The following SBSPON variants were observed in gnomAD, a reference collection of about 807,000 sequenced individuals.
SBSPON encodes somatomedin-B and thrombospondin type-1 domain-containing protein.
Under a neutral mutation model 35.8 loss-of-function variants are expected in SBSPON, and 30 were observed. The ratio of observed to expected loss-of-function variants is 0.84; its 90% confidence interval spans 0.63 to 1.14. The LOEUF is 1.14. Ranked by LOEUF, SBSPON falls within the 50% of genes most tolerant of loss-of-function variation. The pLI, the probability that SBSPON is intolerant of heterozygous loss-of-function variation, is 0.00. For missense variants in SBSPON, 364 were observed against 357.7 expected, an observed-to-expected ratio of 1.02 and a Z score of -0.14; for synonymous variants, 136 against 135.9, an observed-to-expected ratio of 1.00 and a Z score of 0.00.
At chr8:73,070,309 A>G (rs1336210643) in intron 3 of SBSPON, among the ~76,000 whole-genome samples, 1 of 152,214 alleles carries the variant, frequency 6.6e-6, no homozygotes, top group Non-Finnish European at 1.5e-5. Flanking sequence ...AGGTTTTTGT[A>G]GAAACCCAGT....
rs530593066 is a variant in SBSPON, at chr8:73,072,125, G to A, written c.410-255C>T. 7.2e-5 allele frequency among the ~76,000 whole-genome samples: 11 copies of A among 152,170 alleles called. No homozygotes were observed. In the South Asian group the frequency reaches 2.3e-3, roughly 32 times the overall value. On this transcript the variant is annotated intron_variant, in intron 2 of 4. Coordinates refer to ENST00000297354, the MANE Select transcript of SBSPON (RefSeq NM_153225.4). ...TAATAAAACTGTGTGAGAGGAAGGA[G>A]AGGGGCCAGGAGGAAAAACCAGAAG...
intron 2 of SBSPON, among the ~76,000 whole-genome samples, chr8:73,080,250 C>T (rs1399378870): frequency 6.6e-6 from 1 of 152,166 alleles, no homozygotes; most frequent in African/African-American, 2.4e-5. Context: ...CGCAGTGGCT[C>T]ATGCCTGTAA....
At chr8:73,087,523 G>A (rs376803080) in intron 1 of SBSPON, among the ~76,000 whole-genome samples, 2 of 151,910 alleles carry the variant, frequency 1.3e-5, no homozygotes, top group African/African-American at 2.4e-5. Flanking sequence ...GGCCCCGCTC[G>A]TTTTTTTTCT....
intron 1 of SBSPON, among the ~76,000 whole-genome samples, chr8:73,089,612 T>A (rs1425108545): frequency 6.6e-6 from 1 of 152,022 alleles, no homozygotes; most frequent in Non-Finnish European, 1.5e-5. Flanking sequence ...GTATTAAGTA[T>A]CTGGCACATG....
intron 1 of SBSPON, chr8:73,083,984 C>T (rs977881193): frequency 7.9e-5 from 12 of 152,218 alleles, no homozygotes; most frequent in African/African-American, 2.7e-4. Flanking sequence ...GATTTAAATG[C>T]AAGTAATTTA....
At chr8:73,070,739 A>T (rs1810479360) in intron 3 of SBSPON, among the ~76,000 whole-genome samples, 1 of 152,228 alleles carries the variant, frequency 6.6e-6, no homozygotes, top group Admixed American at 6.5e-5. Context: ...GCAGTTTTCC[A>T]ATTCTTCAGG....
rs150854838 is a variant in SBSPON at position 73,075,433 on chromosome 8, G to A, written c.410-3563C>T. 1.4e-3 allele frequency among the ~76,000 whole-genome samples: 218 copies of A among 152,150 alleles called. 1 individual carries two copies. The highest frequency in any genetic ancestry group is 3.4e-3 in the Middle Eastern group (1 of 292). Reference sequence around the variant, plus strand: ...AACTTAGAAATTATTTTTGCCTCCCGCCACACTTCTGCTAATGTGCGGAAG... The same window carrying A: ...AACTTAGAAATTATTTTTGCCTCCCACCACACTTCTGCTAATGTGCGGAAG... On this transcript the variant is annotated intron_variant, in intron 2 of 4. Coordinates refer to ENST00000297354, the MANE Select transcript of SBSPON (RefSeq NM_153225.4).
intron 1 of SBSPON, among the ~76,000 whole-genome samples, chr8:73,092,473 C>G (rs548834115): frequency 5.9e-5 from 9 of 152,320 alleles, no homozygotes; most frequent in African/African-American, 2.2e-4. Context: ...GGTGGTGGAG[C>G]CTGGCCCAGG....
intron 1 of SBSPON, among the ~76,000 whole-genome samples, chr8:73,091,919 A>C (rs746575754): frequency 2.6e-5 from 4 of 152,252 alleles, no homozygotes; most frequent in Non-Finnish European, 5.9e-5. Flanking sequence ...TGAGGCTCCC[A>C]CATGTCGGGA....
At chr8:73,083,115 T>G (rs1810748270) in intron 1 of SBSPON, among the ~76,000 whole-genome samples, 1 of 152,246 alleles carries the variant, frequency 6.6e-6, no homozygotes, top group Non-Finnish European at 1.5e-5. Context: ...GTCTCTTGTC[T>G]AGTATTTGTT....
chr8:73,071,973 TCA>T, intron 2 of SBSPON, 103 bp from the exon 3 acceptor site: 1 of 717,482 alleles, frequency 1.4e-6, no homozygotes, highest in Admixed American at 2.1e-5. Context: ...ATTCCTAAAC[TCA>T]CAGGGCTACG....
At position 73,081,076 on chromosome 8, in the gene SBSPON, T is replaced by C. The variant is rs1268860693; in HGVS notation, c.352A>G (p.Arg118Gly). 2.5e-6 allele frequency: 4 copies of C among 1,612,464 alleles called. No individual in the cohort carries two copies. In the African/African-American group the frequency reaches 5.3e-5, roughly 22 times the overall value. ...GGAPCPPLEE[R>G]AGCLEYSTPQ... Reference sequence around the variant, plus strand: ...GTGGAGTACTCCAGGCAGCCAGCTCTCTCTTCCAGGGGTGGGCAGGGCGCC... The same window carrying C: ...GTGGAGTACTCCAGGCAGCCAGCTCCCTCTTCCAGGGGTGGGCAGGGCGCC... The change falls in exon 2 of 5, where the codon AGA becomes GGA. Residue 118 changes from arginine (R) to glycine (G), a missense_variant. Arg to Gly is a moderately radical substitution (Grantham distance 125, BLOSUM62 -2). Transcript: ENST00000297354.
Position 73,069,824 on chromosome 8 carries a change from C to T in SBSPON, c.658G>A (p.Asp220Asn), listed in dbSNP as rs1455376184. The T allele has an allele frequency of 1.2e-6, 2 of 1,614,068 alleles. No homozygotes were observed. Among genetic ancestry groups the T allele is most frequent in the South Asian group, 1.1e-5 (1 of 91,084 alleles). Residue 220 changes from aspartate (D) to asparagine (N), a missense_variant, in exon 4 of 5, where the codon GAT (aspartate) becomes AAT (asparagine). Asp to Asn is a conservative substitution (Grantham distance 23). Coordinates refer to ENST00000297354, the MANE Select transcript of SBSPON (RefSeq NM_153225.4). ...MNSVSLRCSG[D>N]GLDSDGNQTL... Reference sequence around the variant, plus strand: ...TCTTACCCATCGGAGTCCAGGCCATCTCCAGAACAACGAAGGCTCACAGAG... The same window carrying T: ...TCTTACCCATCGGAGTCCAGGCCATTTCCAGAACAACGAAGGCTCACAGAG...
chr8:73,092,964 G>T lies in SBSPON; in HGVS notation c.104C>A (p.Ala35Asp). The change falls in exon 1 of 5, where the codon GCC becomes GAC. Residue 35 changes from alanine to aspartate, a missense_variant. Transcript: ENST00000297354. Reference sequence around the variant, plus strand: ...CAGCCTCCAGCCGCGGGCGAAGCAGGCGGGGTCCCGGCCGGGACAGCAGCG... The same window carrying T: ...CAGCCTCCAGCCGCGGGCGAAGCAGTCGGGGTCCCGGCCGGGACAGCAGCG... ...AGRCCPGRDP[A>D]CFARGWRLDR... is the part of the protein sequence containing the mutation. The T allele has an allele frequency of 1.3e-6, 2 of 1,598,290 alleles. No individual in the cohort carries two copies. The highest frequency in any genetic ancestry group is 1.7e-6 in the Non-Finnish European group (2 of 1,174,290).
intron 2 of SBSPON, chr8:73,074,596 A>G (rs1810556808): frequency 1.0e-5 from 10 of 983,256 alleles, no homozygotes; most frequent in Non-Finnish European, 1.2e-5. Flanking sequence ...CTGTAATAAT[A>G]TAGATGACAA....
intron 2 of SBSPON, among the ~76,000 whole-genome samples, chr8:73,073,373 A>G (rs72655853): frequency 0.04 from 6,129 of 152,322 alleles, 167 homozygotes; most frequent in Middle Eastern, 0.078. Context: ...GAACTCAACA[A>G]TGTGAGGATA....
Position 73,069,842 on chromosome 8 carries a change from T to C in SBSPON, c.640A>G (p.Ser214Gly). 6.2e-7 allele frequency: 1 copy of C among 1,614,140 alleles called. No homozygotes were observed. Among genetic ancestry groups the C allele is most frequent in the South Asian group, 1.1e-5 (1 of 91,078 alleles). ...AGGCCATCTCCAGAACAACGAAGGC[T>C]CACAGAGTTCATAGCTGGAGGCTGA... ...DCQPPAMNSV[S>G]LRCSGDGLDS... Residue 214 changes from serine to glycine, a missense_variant, in exon 4 of 5, where the codon AGC becomes GGC. By Grantham distance (56) the Ser-to-Gly change is moderately conservative (BLOSUM62 0). Coordinates refer to ENST00000297354, the MANE Select transcript of SBSPON (RefSeq NM_153225.4).
At chr8:73,085,161 C>T (rs1309285538) in intron 1 of SBSPON, among the ~76,000 whole-genome samples, 3 of 152,126 alleles carry the variant, frequency 2.0e-5, no homozygotes, top group East Asian at 3.9e-4. Context: ...GAATTCTTAG[C>T]CTGGCCCAGA....
At chr8:73,081,331 C>A in intron 1 of SBSPON, 118 bp from the exon 2 acceptor site, 2 of 789,680 alleles carry the variant, frequency 2.5e-6, no homozygotes, top group Middle Eastern at 4.0e-4. Context: ...GCCCCAGGCC[C>A]TGTATCAGGA....
Sources: allele counts gnomAD v4.1 joint callset (sites outside exome capture counted in the v4.1 genomes callset), GRCh38; gene constraint gnomAD v4.1.1; transcripts MANE v1.5; gene names NCBI Gene and HGNC (gene_info 2026-07-23, HGNC 2026-07-21).